The following C12orf42 variants were observed in gnomAD, a reference collection of about 807,000 sequenced individuals.
C12orf42 encodes the protein uncharacterized protein C12orf42.
Under a neutral mutation model 21.6 loss-of-function variants are expected in C12orf42, and 25 were observed. That is an observed-to-expected ratio of 1.16 (90% CI 0.84 to 1.62). C12orf42 has a LOEUF of 1.62. C12orf42 is among the 40% of genes most tolerant of loss of function. The probability of loss-of-function intolerance (pLI) is 0.00; values close to 1 mark genes in which losing one functional copy is unlikely to be tolerated. For missense variants in C12orf42, 483 were observed against 459.3 expected, an observed-to-expected ratio of 1.05 and a Z score of -0.47; for synonymous variants, 174 against 175.0, an observed-to-expected ratio of 0.99 and a Z score of 0.05.
At chr12:103,253,217 T>C (rs2034394248) in intron 10 of C12orf42, among the ~76,000 whole-genome samples, 1 of 152,182 alleles carries the variant, frequency 6.6e-6, no homozygotes, top group South Asian at 2.1e-4. Flanking sequence ...AGCCTTATAG[T>C]ACAGTTTGAA....
chr12:103,415,685 T>C (rs994638112), intron 2 of C12orf42, among the ~76,000 whole-genome samples: 1 of 152,210 alleles, frequency 6.6e-6, no homozygotes, highest in African/African-American at 2.4e-5. Context: ...CGCCTGAGAC[T>C]CATGCTTTAC....
chr12:103,318,953 G>A (rs2039809131), intron 4 of C12orf42, among the ~76,000 whole-genome samples: 1 of 152,132 alleles, frequency 6.6e-6, no homozygotes, highest in Non-Finnish European at 1.5e-5. Context: ...ATTAACTTAT[G>A]TCAACCACAG....
the C12orf42 span, among the ~76,000 whole-genome samples, chr12:103,111,468 A>G: frequency 6.1e-4 from 93 of 152,312 alleles, no homozygotes; most frequent in Non-Finnish European, 1.1e-3. Context: ...TGATTCGATG[A>G]ATATTAGTGA....
At chr12:103,080,502 T>C in the C12orf42 span, among the ~76,000 whole-genome samples, 2 of 152,194 alleles carry the variant, frequency 1.3e-5, no homozygotes, top group African/African-American at 4.8e-5. Context: ...CTAATTGTCA[T>C]AATATTTGCA....
At chr12:103,244,301 T>TCC (rs2033906434) in intron 10 of C12orf42, among the ~76,000 whole-genome samples, 1 of 151,910 alleles carries the variant, frequency 6.6e-6, no homozygotes, top group Non-Finnish European at 1.5e-5. Flanking sequence ...AAGACAAGGG[T>TCC]TAACTGCTCC....
chr12:103,078,562 T>G, the C12orf42 span, among the ~76,000 whole-genome samples: 6 of 152,196 alleles, frequency 3.9e-5, no homozygotes, highest in Non-Finnish European at 5.9e-5. Context: ...TCAAACATAA[T>G]AGTCAACTGT....
chr12:103,505,700 AGG>A, the C12orf42 span: 2 of 217,600 alleles, frequency 9.2e-6, no homozygotes, highest in African/African-American at 4.8e-5. Flanking sequence ...GTAGATGGAG[AGG>A]ACAGTTTCTG....
chr12:103,086,394 T>C, the C12orf42 span, among the ~76,000 whole-genome samples: 52 of 151,874 alleles, frequency 3.4e-4, no homozygotes, highest in Admixed American at 2.8e-3. Context: ...GAGAGAACTA[T>C]TTCTAATTCA....
the C12orf42 span, among the ~76,000 whole-genome samples, chr12:103,117,790 C>A: frequency 6.6e-6 from 1 of 152,132 alleles, no homozygotes; most frequent in Non-Finnish European, 1.5e-5. Flanking sequence ...CCAGTATATT[C>A]AATGAAGGCA....
intron 4 of C12orf42, among the ~76,000 whole-genome samples, chr12:103,296,322 A>G (rs948302102): frequency 2.0e-5 from 3 of 152,124 alleles, no homozygotes; most frequent in Non-Finnish European, 2.9e-5. Flanking sequence ...CACAATACAC[A>G]CACGTGTGCA....
Position 103,398,817 on chromosome 12 carries a change from G to A in C12orf42, c.147+2790C>T, listed in dbSNP as rs148671750. On this transcript the variant is annotated intron_variant, in intron 3 of 5. Transcript: ENST00000548883. ...ATTTATATATTCTGTTCAGTTCCAC[G>A]GGCCTACCCTTGAGCAAATAGCATG... Among the ~76,000 whole-genome samples the A allele has an allele frequency of 4.8e-3, 731 of 151,938 alleles. 4 individuals are homozygous for A. The highest frequency in any genetic ancestry group is 0.016 in the African/African-American group (676 of 41,480).
chr12:103,440,548 G>T (rs566491894), intron 2 of C12orf42, among the ~76,000 whole-genome samples: 2 of 145,942 alleles, frequency 1.4e-5, no homozygotes, highest in East Asian at 2.1e-4. Flanking sequence ...CAAAATAGAC[G>T]CATAAATTTT....
intron 2 of C12orf42, among the ~76,000 whole-genome samples, chr12:103,472,449 T>C (rs745543234): frequency 7.2e-5 from 11 of 152,158 alleles, no homozygotes; most frequent in African/African-American, 1.2e-4. Context: ...TTGGTACATT[T>C]AGCAAACAAT....
At chr12:103,388,587 T>TTGTTATAGTAAAG (rs1555280178) in intron 3 of C12orf42, among the ~76,000 whole-genome samples, 1,858 of 152,282 alleles carry the variant, frequency 0.012, 17 homozygotes, top group Non-Finnish European at 0.021. Context: ...TGTTATAGTT[T>TTGTTATAGTAAAG]TCTCTAGACT....
the C12orf42 span, among the ~76,000 whole-genome samples, chr12:103,507,206 A>C: frequency 3.0e-5 from 1 of 33,366 alleles, no homozygotes; most frequent in Non-Finnish European, 4.2e-5. Context: ...TATTTATATT[A>C]TATATATAAT....
rs17033713 is a variant in C12orf42 at position 103,330,573 on chromosome 12, A to T, written c.260-24228T>A. ...AATTTGTTTCAGATAGTCGGCCATGAAAAGCATGACTCTATGTGAAAGGAC... is the reference window on the plus strand; with the variant it reads ...AATTTGTTTCAGATAGTCGGCCATGTAAAGCATGACTCTATGTGAAAGGAC... On this transcript the variant is annotated intron_variant, in intron 4 of 5. Transcript: ENST00000548883. Among the ~76,000 whole-genome samples the T allele has an allele frequency of 7.5e-3, 1,138 of 152,318 alleles. 7 individuals carry two copies. The highest frequency in any genetic ancestry group is 0.019 in the African/African-American group (796 of 41,556).
At chr12:103,118,754 C>T in the C12orf42 span, among the ~76,000 whole-genome samples, 32 of 111,068 alleles carry the variant, frequency 2.9e-4, no homozygotes, top group African/African-American at 8.8e-4. Flanking sequence ...GCTGAGATTG[C>T]GCCATTGCAC....
At chr12:103,178,244 A>G in the C12orf42 span, 1 of 152,174 alleles carries the variant, frequency 6.6e-6, no homozygotes, top group East Asian at 1.9e-4. Flanking sequence ...ACAGTCCATT[A>G]AAGGGCTCCT....
At chr12:103,491,062 A>G (rs1393796919) in intron 1 of C12orf42, among the ~76,000 whole-genome samples, 1 of 152,190 alleles carries the variant, frequency 6.6e-6, no homozygotes, top group Non-Finnish European at 1.5e-5. Context: ...AAATTTCACC[A>G]GTGTTTATGT....
Sources: allele counts gnomAD v4.1 joint callset (sites outside exome capture counted in the v4.1 genomes callset), GRCh38; gene constraint gnomAD v4.1.1; transcripts MANE v1.5; gene names NCBI Gene and HGNC (gene_info 2026-07-23, HGNC 2026-07-21).